FAF1: variants seen among roughly 807,000 people sequenced by gnomAD.
The protein encoded by FAF1 is Fas associated factor 1, also known as FAS-associated factor 1.
FAF1 carries 25 observed loss-of-function variants against 92.5 expected under a neutral mutation model. The ratio of observed to expected loss-of-function variants is 0.27; its 90% CI spans 0.20 to 0.38. The LOEUF (loss-of-function observed/expected upper bound fraction) is 0.38. Ranked by LOEUF, FAF1 falls within the 10% of genes least tolerant of loss-of-function variation. The pLI is 1.00. For synonymous variants in FAF1, 234 were observed against 273.2 expected (o/e 0.86, Z 1.42); for missense variants, 636 against 793.3 (o/e 0.80, Z 2.38).
chr1:50,627,200 G>A (rs1026368518), intron 8 of FAF1, among the ~76,000 whole-genome samples: 16 of 152,122 alleles, frequency 1.1e-4, no homozygotes, highest in African/African-American at 3.9e-4. Context: ...TTGTAGATAT[G>A]ATAAAGAATA....
intron 15 of FAF1, among the ~76,000 whole-genome samples, chr1:50,533,969 A>G (rs1648324925): frequency 6.6e-6 from 1 of 152,164 alleles, no homozygotes; most frequent in Non-Finnish European, 1.5e-5. Flanking sequence ...TCATCTGAAA[A>G]GTATAGATAA....
chr1:50,661,545 T>C (rs1190755133), intron 7 of FAF1, among the ~76,000 whole-genome samples: 1 of 152,166 alleles, frequency 6.6e-6, no homozygotes. Context: ...TTTATCATTC[T>C]TAGAAGAAAA....
chr1:50,477,796 C>A (rs1646656147), intron 17 of FAF1, among the ~76,000 whole-genome samples: 1 of 152,154 alleles, frequency 6.6e-6, no homozygotes, highest in Admixed American at 6.5e-5. Flanking sequence ...ACTTCTCATT[C>A]CAAATACAGT....
chr1:50,627,597 G>C (rs1006299478), intron 8 of FAF1, among the ~76,000 whole-genome samples: 1 of 151,594 alleles, frequency 6.6e-6, no homozygotes, highest in Non-Finnish European at 1.5e-5. Context: ...AGGAGGGAGT[G>C]AAAGAGACAA....
chr1:50,692,293 G>GT (rs1553128968), intron 7 of FAF1, among the ~76,000 whole-genome samples: 32 of 142,328 alleles, frequency 2.2e-4, no homozygotes, highest in East Asian at 8.2e-4. Context: ...GTGTGTGTGT[G>GT]GTGGGAACAT....
intron 6 of FAF1, among the ~76,000 whole-genome samples, chr1:50,710,564 A>T (rs1657879072): frequency 6.6e-6 from 1 of 152,176 alleles, no homozygotes; most frequent in Admixed American, 6.5e-5. Flanking sequence ...GAAGAGGAAG[A>T]TAATCCTTCA....
chr1:50,617,159 A>G (rs1356862674), intron 8 of FAF1, among the ~76,000 whole-genome samples: 2 of 152,220 alleles, frequency 1.3e-5, no homozygotes, highest in Non-Finnish European at 2.9e-5. Context: ...TGCTGTGGCT[A>G]GGACTTTCAG....
chr1:50,704,668 TA>T (rs1378355886), intron 7 of FAF1, among the ~76,000 whole-genome samples: 1 of 152,072 alleles, frequency 6.6e-6, no homozygotes, highest in Non-Finnish European at 1.5e-5. Flanking sequence ...TATACATATT[TA>T]AAATCCTGAA....
intron 15 of FAF1, among the ~76,000 whole-genome samples, chr1:50,532,663 A>G (rs1648240894): frequency 1.3e-5 from 2 of 152,214 alleles, no homozygotes; most frequent in South Asian, 4.1e-4. Flanking sequence ...ACTATTAAGA[A>G]AAAGTATAAA....
chr1:50,531,511 C>T (rs1648169701), intron 15 of FAF1, among the ~76,000 whole-genome samples: 1 of 152,110 alleles, frequency 6.6e-6, no homozygotes, highest in South Asian at 2.1e-4. Flanking sequence ...TCTAAAATGT[C>T]GCTACTGTAA....
intron 8 of FAF1, among the ~76,000 whole-genome samples, chr1:50,614,564 G>A (rs1350159849): frequency 6.6e-6 from 1 of 152,118 alleles, no homozygotes; most frequent in Non-Finnish European, 1.5e-5. Context: ...AATGGGCTGG[G>A]CACGGTAGCT....
chr1:50,612,594 A>G lies in FAF1; in HGVS notation c.745-16378T>C, dbSNP rs908245604. 2.3e-5 allele frequency: 10 copies of G among 436,168 alleles called. No homozygotes were observed. In the Admixed American group the frequency reaches 4.5e-4, roughly 20 times the overall value. 27.0% of individuals were successfully genotyped at this position (436,168 alleles called of 1,614,324 possible). A position where few individuals can be genotyped will look rare whatever the true frequency, so the allele number is the denominator to read the frequency against. On this transcript the variant is annotated intron_variant, in intron 8 of 18. Coordinates refer to ENST00000396153, the MANE Select transcript of FAF1 (RefSeq NM_007051.3). ...CTGTGGAACTCTTTGGATAGCAAATATAAGAGCTCTGGATATTTTTCCAGC... is the reference window on the plus strand; with the variant it reads ...CTGTGGAACTCTTTGGATAGCAAATGTAAGAGCTCTGGATATTTTTCCAGC...
At position 50,910,663 on chromosome 1, in the gene FAF1, G is replaced by A. The variant is rs111461848; in HGVS notation, c.45+49104C>T. Reference sequence around the variant, plus strand: ...CTGTGCTAGCAGTGAGCAAGGCTCCGTGGCCGTGGGACCCTCCAAGCCAGG... The same window carrying A: ...CTGTGCTAGCAGTGAGCAAGGCTCCATGGCCGTGGGACCCTCCAAGCCAGG... On this transcript the variant is annotated intron_variant, in intron 1 of 18. Transcript: ENST00000396153. 7.8e-3 allele frequency among the ~76,000 whole-genome samples: 1,181 copies of A among 151,874 alleles called. 14 individuals are homozygous for A. The highest frequency in any genetic ancestry group is 0.027 in the African/African-American group (1,132 of 41,390).
chr1:50,740,314 C>A (rs1348061464), intron 5 of FAF1, among the ~76,000 whole-genome samples: 2 of 152,006 alleles, frequency 1.3e-5, no homozygotes, highest in African/African-American at 4.8e-5. Context: ...TGAGCAAAAA[C>A]TTAAAAGGTG....
At chr1:50,773,956 A>G (rs1006648813) in intron 4 of FAF1, among the ~76,000 whole-genome samples, 9 of 152,216 alleles carry the variant, frequency 5.9e-5, no homozygotes, top group Admixed American at 2.0e-4. Context: ...CTTATTAAAC[A>G]TCAATTTAAA....
intron 12 of FAF1, among the ~76,000 whole-genome samples, chr1:50,571,969 T>A (rs992424267): frequency 6.6e-6 from 1 of 152,016 alleles, no homozygotes; most frequent in Non-Finnish European, 1.5e-5. Flanking sequence ...TTTCTGGGAA[T>A]GGTACAATGT....
At chr1:50,819,802 CATATAT>C (rs760445644) in intron 2 of FAF1, among the ~76,000 whole-genome samples, 2 of 86,200 alleles carry the variant, frequency 2.3e-5, no homozygotes, top group African/African-American at 9.5e-5. Context: ...TATATATATA[CATATAT>C]ATATATATAT....
intron 13 of FAF1, among the ~76,000 whole-genome samples, chr1:50,547,495 C>T (rs555685018): frequency 4.0e-5 from 6 of 151,816 alleles, no homozygotes; most frequent in Non-Finnish European, 7.4e-5. Flanking sequence ...CTCACCTCAA[C>T]CTCCCACCTT....
chr1:50,959,818 C>G lies in FAF1; in HGVS notation c.-7G>C, dbSNP rs776131823. On this transcript the variant is annotated 5_prime_UTR_variant, in exon 1 of 19. Coordinates refer to ENST00000396153, the MANE Select transcript of FAF1 (RefSeq NM_007051.3). ...GGTCCATGTTGGACGCCATGGCGGC[C>G]GCCGAGTTCCGCGGCTCCGGGAGCG... The G allele has an allele frequency of 7.7e-6, 12 of 1,558,762 alleles. No homozygotes were observed. The highest frequency in any genetic ancestry group is 8.7e-7 in the Non-Finnish European group (1 of 1,150,522).
Sources: allele counts gnomAD v4.1 joint callset (sites outside exome capture counted in the v4.1 genomes callset), GRCh38; gene constraint gnomAD v4.1.1; transcripts MANE v1.5; gene names NCBI Gene and HGNC (gene_info 2026-07-23, HGNC 2026-07-21).